The following NEGR1 variants were observed in gnomAD, a reference collection of about 807,000 sequenced individuals.
The protein encoded by NEGR1 is neuronal growth regulator 1.
Under a neutral mutation model 40.9 loss-of-function variants are expected in NEGR1, and 10 were observed. That is an observed-to-expected ratio of 0.24 (90% CI 0.15 to 0.42). NEGR1 has a LOEUF of 0.42. Ranked by LOEUF, NEGR1 falls within the 10% of genes least tolerant of loss-of-function variation. NEGR1 has a pLI of 1.00. For synonymous variants in NEGR1, 185 were observed against 166.8 expected, an observed-to-expected ratio of 1.11 and a Z score of -0.84; for missense variants, 352 against 438.9, an observed-to-expected ratio of 0.80 and a Z score of 1.77.
chr1:71,460,217 A>T (rs1417903345), intron 6 of NEGR1, among the ~76,000 whole-genome samples: 1 of 152,218 alleles, frequency 6.6e-6, no homozygotes, highest in Non-Finnish European at 1.5e-5. Flanking sequence ...CAATACCAAT[A>T]GCATTTCTGT....
At chr1:72,179,650 G>GTAC (rs1379447810) in intron 1 of NEGR1, among the ~76,000 whole-genome samples, 1 of 152,024 alleles carries the variant, frequency 6.6e-6, no homozygotes, top group Admixed American at 6.6e-5. Flanking sequence ...TTGGCATAAA[G>GTAC]TACTAGGCAT....
intron 3 of NEGR1, among the ~76,000 whole-genome samples, chr1:71,757,923 A>T (rs1655797664): frequency 6.6e-6 from 1 of 152,096 alleles, no homozygotes; most frequent in Non-Finnish European, 1.5e-5. Context: ...TATATGGTAA[A>T]TTTTAATAAT....
intron 1 of NEGR1, among the ~76,000 whole-genome samples, chr1:72,199,495 G>T (rs564842982): frequency 6.6e-6 from 1 of 151,878 alleles, no homozygotes; most frequent in South Asian, 2.1e-4. Context: ...CTTCAAATTC[G>T]CAGGTTTCCT....
At chr1:71,498,925 T>G (rs917855026) in intron 6 of NEGR1, among the ~76,000 whole-genome samples, 1 of 152,152 alleles carries the variant, frequency 6.6e-6, no homozygotes, top group African/African-American at 2.4e-5. Context: ...TTTCATCTCT[T>G]GGATGCAGCC....
At chr1:71,547,567 T>C (rs140475373) in intron 6 of NEGR1, among the ~76,000 whole-genome samples, 1,590 of 151,846 alleles carry the variant, frequency 0.01, 12 homozygotes, top group Middle Eastern at 0.017. Flanking sequence ...AAGAGAAAGA[T>C]ATTTCGAGAT....
intron 2 of NEGR1, among the ~76,000 whole-genome samples, chr1:71,869,844 T>G (rs184469335): frequency 6.6e-5 from 10 of 151,978 alleles, no homozygotes; most frequent in African/African-American, 1.7e-4. Flanking sequence ...TATATAGTAA[T>G]GAGTTGCTTA....
At chr1:72,225,266 A>G (rs1654155267) in intron 1 of NEGR1, among the ~76,000 whole-genome samples, 2 of 151,990 alleles carry the variant, frequency 1.3e-5, no homozygotes, top group Admixed American at 6.6e-5. Flanking sequence ...TGATTTGAGT[A>G]TCTGTAAATT....
intron 2 of NEGR1, among the ~76,000 whole-genome samples, chr1:71,780,556 A>G (rs1656681056): frequency 1.3e-5 from 2 of 152,356 alleles, no homozygotes; most frequent in South Asian, 4.1e-4. Context: ...CTTTCTAAGC[A>G]ACAGAGGTTG....
At chr1:72,117,951 C>T (rs1403129859) in intron 1 of NEGR1, among the ~76,000 whole-genome samples, 1 of 151,772 alleles carries the variant, frequency 6.6e-6, no homozygotes, top group Non-Finnish European at 1.5e-5. Context: ...CAGCTACTCA[C>T]TCTAGAAAGT....
At chr1:72,110,910 T>C (rs1168749919) in intron 1 of NEGR1, among the ~76,000 whole-genome samples, 1 of 151,568 alleles carries the variant, frequency 6.6e-6, no homozygotes, top group African/African-American at 2.4e-5. Flanking sequence ...AGTCAAAAAA[T>C]ACAGGTGTTT....
At chr1:71,978,669 C>T (rs995942832) in intron 1 of NEGR1, among the ~76,000 whole-genome samples, 4 of 151,884 alleles carry the variant, frequency 2.6e-5, no homozygotes, top group Non-Finnish European at 5.9e-5. Context: ...CCACCTCACA[C>T]CAGTCAGAAA....
At chr1:72,121,679 T>C (rs1451022570) in intron 1 of NEGR1, among the ~76,000 whole-genome samples, 1 of 151,858 alleles carries the variant, frequency 6.6e-6, no homozygotes, top group Non-Finnish European at 1.5e-5. Flanking sequence ...ATATGATGAG[T>C]CTATCAATTG....
At chr1:71,429,435 A>G (rs1346770242) in intron 6 of NEGR1, among the ~76,000 whole-genome samples, 1 of 152,218 alleles carries the variant, frequency 6.6e-6, no homozygotes, top group East Asian at 1.9e-4. Flanking sequence ...ATCCTTATTG[A>G]TAAAAGACTG....
intron 2 of NEGR1, among the ~76,000 whole-genome samples, chr1:71,841,031 C>A (rs181305310): frequency 6.6e-6 from 1 of 152,218 alleles, no homozygotes; most frequent in East Asian, 1.9e-4. Flanking sequence ...CCAACCTCCA[C>A]AATCACATGA....
intron 4 of NEGR1, among the ~76,000 whole-genome samples, chr1:71,632,853 GC>G (rs1651020069): frequency 6.6e-6 from 1 of 151,940 alleles, no homozygotes. Context: ...TTATGGGAAA[GC>G]ATTTCCAAGA....
chr1:71,993,908 C>CT (rs891734259), intron 1 of NEGR1, among the ~76,000 whole-genome samples: 12 of 152,142 alleles, frequency 7.9e-5, no homozygotes, highest in African/African-American at 2.4e-4. Context: ...TTTCTTAGCT[C>CT]TTTTTTATTT....
At chr1:71,965,423 G>GC (rs1264021129) in intron 1 of NEGR1, among the ~76,000 whole-genome samples, 1 of 152,050 alleles carries the variant, frequency 6.6e-6, no homozygotes, top group African/African-American at 2.4e-5. Flanking sequence ...TCCACATATG[G>GC]CCACTTAAGC....
chr1:71,502,121 C>T (rs1055536558), intron 6 of NEGR1, among the ~76,000 whole-genome samples: 3 of 152,010 alleles, frequency 2.0e-5, no homozygotes, highest in Non-Finnish European at 4.4e-5. Context: ...ATCTAAGTAC[C>T]GGCAGCCACC....
intron 1 of NEGR1, among the ~76,000 whole-genome samples, chr1:72,147,220 C>T (rs771032204): frequency 4.5e-4 from 68 of 152,114 alleles, no homozygotes; most frequent in Non-Finnish European, 2.8e-4. Flanking sequence ...AAGACATACC[C>T]GAAACTGGGA....
Sources: allele counts gnomAD v4.1 joint callset (sites outside exome capture counted in the v4.1 genomes callset), GRCh38; gene constraint gnomAD v4.1.1; transcripts MANE v1.5; gene names NCBI Gene and HGNC (gene_info 2026-07-23, HGNC 2026-07-21).